RBMS3: variants seen among roughly 807,000 people sequenced by gnomAD.
RBMS3 encodes the protein RNA binding motif single stranded interacting protein 3.
A neutral mutation model predicts 66.8 loss-of-function variants in RBMS3; 27 were observed. The ratio of observed to expected loss-of-function variants is 0.40; its 90% CI spans 0.30 to 0.56. The LOEUF is 0.56. Ranked by LOEUF, RBMS3 falls within the 20% of genes least tolerant of loss-of-function variation. The pLI is 0.40. For synonymous variants in RBMS3, 188 were observed against 183.0 expected, an observed-to-expected ratio of 1.03 and a Z score of -0.22; for missense variants, 513 against 549.5, an observed-to-expected ratio of 0.93 and a Z score of 0.66.
chr3:29,556,719 G>C (rs2046380472), intron 3 of RBMS3, among the ~76,000 whole-genome samples: 1 of 152,154 alleles, frequency 6.6e-6, no homozygotes, highest in Admixed American at 6.5e-5. Flanking sequence ...CCCCAGACTT[G>C]AGTGTATTTC....
intron 3 of RBMS3, among the ~76,000 whole-genome samples, chr3:29,550,536 G>A (rs1012088598): frequency 2.1e-4 from 32 of 151,960 alleles, no homozygotes; most frequent in African/African-American, 5.3e-4. Context: ...ATAATTCAGC[G>A]TATAGTGTAT....
At chr3:29,415,339 G>T (rs1340197756) in intron 1 of RBMS3, among the ~76,000 whole-genome samples, 1 of 152,058 alleles carries the variant, frequency 6.6e-6, no homozygotes. Context: ...TTATAAATTT[G>T]CAACAATAAA....
intron 3 of RBMS3, among the ~76,000 whole-genome samples, chr3:29,513,443 G>T (rs2044494974): frequency 6.6e-6 from 1 of 151,980 alleles, no homozygotes; most frequent in Admixed American, 6.6e-5. Context: ...CATTCCAACT[G>T]GCCCCCACCC....
At chr3:29,555,108 A>G (rs1254868598) in intron 3 of RBMS3, among the ~76,000 whole-genome samples, 3 of 152,168 alleles carry the variant, frequency 2.0e-5, no homozygotes, top group African/African-American at 7.2e-5. Flanking sequence ...GGGGCTGTTA[A>G]GATAAAAATC....
At chr3:29,704,186 G>A (rs537595472) in intron 4 of RBMS3, among the ~76,000 whole-genome samples, 6 of 152,142 alleles carry the variant, frequency 3.9e-5, no homozygotes, top group South Asian at 2.1e-4. Flanking sequence ...AACGTAATGC[G>A]CTTGAATCAT....
At chr3:29,411,529 TA>T (rs1396777950) in intron 1 of RBMS3, among the ~76,000 whole-genome samples, 1 of 152,242 alleles carries the variant, frequency 6.6e-6, no homozygotes, top group Non-Finnish European at 1.5e-5. Flanking sequence ...ATACTGTTTT[TA>T]TTGACAGGAC....
At position 29,333,279 on chromosome 3, in the gene RBMS3, C is replaced by G. The variant is rs551859761; in HGVS notation, c.75+51523C>G. Reference sequence around the variant, plus strand: ...ATAATCCTACCTGGTAGATTATTTCCTTTATTCCCAGAGGTGAACTAGTCA... The same window carrying G: ...ATAATCCTACCTGGTAGATTATTTCGTTTATTCCCAGAGGTGAACTAGTCA... On this transcript the variant is annotated intron_variant, in intron 1 of 14. Coordinates refer to ENST00000383767, the MANE Select transcript of RBMS3 (RefSeq NM_001003793.3). 2.6e-5 allele frequency among the ~76,000 whole-genome samples: 4 copies of G among 152,130 alleles called. No homozygotes were observed. The East Asian group carries it at 7.7e-4, about 29-fold the overall frequency.
chr3:29,684,779 T>TACACAC (rs10570309), intron 4 of RBMS3, among the ~76,000 whole-genome samples: 1,463 of 145,748 alleles, frequency 0.01, 25 homozygotes, highest in African/African-American at 0.035. Context: ...GTTTGTTATG[T>TACACAC]ACACACACAC....
intron 4 of RBMS3, among the ~76,000 whole-genome samples, chr3:29,712,262 G>T (rs2053203447): frequency 6.6e-6 from 1 of 151,916 alleles, no homozygotes; most frequent in South Asian, 2.1e-4. Context: ...ATCTGTGAGG[G>T]TGTTTCTGGG....
intron 1 of RBMS3, among the ~76,000 whole-genome samples, chr3:29,322,632 A>G (rs920848869): frequency 2.0e-5 from 3 of 152,024 alleles, no homozygotes; most frequent in African/African-American, 4.8e-5. Context: ...ACGAAAAAAA[A>G]AAATGGCCAT....
At chr3:29,356,255 A>C (rs541263911) in intron 1 of RBMS3, among the ~76,000 whole-genome samples, 1 of 152,168 alleles carries the variant, frequency 6.6e-6, no homozygotes, top group Non-Finnish European at 1.5e-5. Flanking sequence ...CCTCTGTTGC[A>C]TTGTCTCTTT....
intron 12 of RBMS3, among the ~76,000 whole-genome samples, chr3:29,969,522 A>G (rs1697085725): frequency 6.6e-6 from 1 of 152,160 alleles, no homozygotes; most frequent in Admixed American, 6.5e-5. Context: ...CCTCTCTATC[A>G]TGGTAACAGA....
chr3:29,703,991 T>C (rs2149294660), intron 4 of RBMS3, among the ~76,000 whole-genome samples: 1 of 152,266 alleles, frequency 6.6e-6, no homozygotes, highest in Non-Finnish European at 1.5e-5. Context: ...ATGCAAGAGG[T>C]CTAGGTTGTG....
At chr3:29,826,968 G>T (rs569883922) in intron 6 of RBMS3, among the ~76,000 whole-genome samples, 3 of 152,224 alleles carry the variant, frequency 2.0e-5, no homozygotes, top group Admixed American at 6.5e-5. Context: ...CAAGTTGTTT[G>T]GTTGTACAAG....
chr3:29,635,689 G>A (rs550679164), intron 4 of RBMS3, among the ~76,000 whole-genome samples: 23 of 151,944 alleles, frequency 1.5e-4, no homozygotes, highest in African/African-American at 3.1e-4. Context: ...TGTCTCACTC[G>A]GGTAAAAGCC....
intron 2 of RBMS3, among the ~76,000 whole-genome samples, chr3:29,446,431 A>T (rs1483262258): frequency 6.6e-6 from 1 of 152,106 alleles, no homozygotes; most frequent in East Asian, 1.9e-4. Context: ...ATTAACTGAG[A>T]TTATACGTAT....
intron 3 of RBMS3, among the ~76,000 whole-genome samples, chr3:29,578,660 C>T (rs1194673577): frequency 6.6e-6 from 1 of 151,896 alleles, no homozygotes; most frequent in Admixed American, 6.6e-5. Flanking sequence ...AACCCTGTCC[C>T]AGGAAAATGC....
intron 1 of RBMS3, among the ~76,000 whole-genome samples, chr3:29,285,625 G>T (rs1034005043): frequency 9.2e-5 from 14 of 152,028 alleles, no homozygotes; most frequent in African/African-American, 3.1e-4. Context: ...AGAATTTCTT[G>T]GCTGGTGATA....
intron 12 of RBMS3, among the ~76,000 whole-genome samples, chr3:29,945,630 T>C (rs1459303380): frequency 1.3e-5 from 2 of 151,762 alleles, no homozygotes; most frequent in Non-Finnish European, 3.0e-5. Flanking sequence ...TTACCAATAT[T>C]CATAAAAATA....
Sources: gnomAD v4.1 joint callset for allele counts (sites outside exome capture counted in the v4.1 genomes callset) on GRCh38, gnomAD v4.1.1 for gene constraint, MANE v1.5 for transcripts, NCBI Gene and HGNC (gene_info 2026-07-23, HGNC 2026-07-21) for gene names.